SMC5: variants seen among roughly 807,000 people sequenced by gnomAD.
The protein encoded by SMC5 is structural maintenance of chromosomes 5, also known as structural maintenance of chromosomes protein 5.
A neutral mutation model predicts 148.3 loss-of-function variants in SMC5; 88 were observed. That is an observed-to-expected ratio of 0.59 (90% confidence interval 0.50 to 0.71). The LOEUF (loss-of-function observed/expected upper bound fraction) is 0.71. Ranked by LOEUF, SMC5 falls within the 30% of genes least tolerant of loss-of-function variation. The probability of loss-of-function intolerance (pLI) is 0.00; values close to 1 mark genes in which losing one functional copy is unlikely to be tolerated. For missense variants in SMC5, 1,142 were observed against 1,298.9 expected, an observed-to-expected ratio of 0.88 and a Z score of 1.86; for synonymous variants, 421 against 432.8, an observed-to-expected ratio of 0.97 and a Z score of 0.34.
chr9:70,279,904 T>A (rs1214896631), intron 5 of SMC5, among the ~76,000 whole-genome samples: 2 of 152,064 alleles, frequency 1.3e-5, no homozygotes, highest in Non-Finnish European at 1.5e-5. Context: ...GCACATTGTG[T>A]CACAGGGGTT....
intron 12 of SMC5, 140 bp from the exon 13 acceptor site, chr9:70,315,306 T>TAAA (rs1268521910): frequency 1.9e-5 from 4 of 210,980 alleles, no homozygotes; most frequent in African/African-American, 9.7e-5. Context: ...GATTTTAAAA[T>TAAA]ATAAAAGAAA....
rs142489701 is a variant in SMC5 at position 70,282,525 on chromosome 9, G to A, written c.923G>A (p.Cys308Tyr). 5.0e-4 allele frequency: 805 copies of A among 1,596,282 alleles called. 1 individual carries two copies. Among genetic ancestry groups the A allele is most frequent in the Admixed American group, 2.5e-3 (143 of 56,782 alleles). The part of the protein sequence containing the change: ...KLKEGQIPVT[C>Y]RIEEMENERH... ...AAAGAAGGGCAGATTCCTGTAACAT[G>A]TCGAATTGAAGAAATGGAAAACGAG... Residue 308 changes from cysteine to tyrosine, a missense_variant, in exon 7 of 25, where the codon TGT (cysteine) becomes TAT (tyrosine). Transcript: ENST00000361138.
At chr9:70,273,366 CTCT>C (rs2034502462) in intron 3 of SMC5, among the ~76,000 whole-genome samples, 1 of 151,708 alleles carries the variant, frequency 6.6e-6, no homozygotes, top group Admixed American at 6.6e-5. Context: ...GAATACCATC[CTCT>C]TATTTGAGTT....
Position 70,352,277 on chromosome 9 carries a change from T to C in SMC5, c.3252T>C (p.Asn1084=), listed in dbSNP as rs750920169. ...GPHMLEPNTW[N]LKAFQRRRRR... The stretch of plus-strand genomic sequence containing the variant: ...ATATGCTGGAACCAAACACATGGAA[T>C]TTAAAGGCTTTCCAAAGGCGGCGGC... Residue 1084 remains asparagine, a synonymous_variant, in exon 25 of 25, where the codon AAT becomes AAC. Coordinates refer to ENST00000361138, the MANE Select transcript of SMC5 (RefSeq NM_015110.4). 2 of 1,613,768 alleles carry C rather than the reference T, an allele frequency of 1.2e-6. No individual in the cohort carries two copies. The highest frequency in any genetic ancestry group is 3.3e-5 in the Admixed American group (2 of 59,944).
chr9:70,307,107 A>G (rs1456174799), intron 11 of SMC5, among the ~76,000 whole-genome samples: 1 of 152,214 alleles, frequency 6.6e-6, no homozygotes, highest in Non-Finnish European at 1.5e-5. Context: ...AAAAACAAAT[A>G]ATAGGCCAGG....
chr9:70,259,241 C>A lies in SMC5; in HGVS notation c.163C>A (p.Arg55Ser). Residue 55 changes from arginine (R) to serine (S), a missense_variant, in exon 1 of 25, where the codon CGC becomes AGC. Arg to Ser is a moderately radical substitution (Grantham distance 110, BLOSUM62 -1). Transcript: ENST00000361138. Reference protein sequence around the residue: ...SGPFVEGSIVRISMENFLTYD... With the variant: ...SGPFVEGSIVSISMENFLTYD... The stretch of plus-strand genomic sequence containing the variant: ...GCCTTTCGTGGAAGGCTCTATCGTC[C>A]GCATCTCGATGGAGAACTTCCTGTA... 6.3e-7 allele frequency: 1 copy of A among 1,594,606 alleles called. No individual in the cohort carries two copies. The highest frequency in any genetic ancestry group is 1.3e-5 in the African/African-American group (1 of 74,656).
intron 17 of SMC5, among the ~76,000 whole-genome samples, chr9:70,338,842 CTG>C (rs1054749420): frequency 1.3e-5 from 2 of 152,120 alleles, no homozygotes; most frequent in Admixed American, 6.6e-5. Context: ...TTACACCACT[CTG>C]TTTTTCTTAT....
chr9:70,334,320 G>A (rs1421553817), intron 17 of SMC5, among the ~76,000 whole-genome samples: 1 of 152,080 alleles, frequency 6.6e-6, no homozygotes, highest in East Asian at 1.9e-4. Context: ...TGAAGAAAAT[G>A]TAAGAGAAAA....
intron 1 of SMC5, among the ~76,000 whole-genome samples, chr9:70,261,035 G>C (rs990444466): frequency 6.6e-6 from 1 of 152,140 alleles, no homozygotes; most frequent in Non-Finnish European, 1.5e-5. Context: ...CACTGCACCC[G>C]CCTAAGAAGA....
At chr9:70,301,465 C>G (rs1246706398) in intron 10 of SMC5, among the ~76,000 whole-genome samples, 1 of 152,198 alleles carries the variant, frequency 6.6e-6, no homozygotes, top group Non-Finnish European at 1.5e-5. Context: ...ATCTTCCACG[C>G]AGTTTACTCA....
intron 10 of SMC5, among the ~76,000 whole-genome samples, chr9:70,302,623 T>G (rs2035390406): frequency 6.6e-6 from 1 of 151,878 alleles, no homozygotes; most frequent in Non-Finnish European, 1.5e-5. Context: ...TTACCCAAGA[T>G]CACGCCACTG....
intron 11 of SMC5, chr9:70,310,904 T>C (rs1273517246): frequency 2.0e-5 from 3 of 152,288 alleles, no homozygotes; most frequent in Admixed American, 1.3e-4. Flanking sequence ...GCTTCAAGCT[T>C]TTCTTCTCTC....
intron 18 of SMC5, chr9:70,346,366 C>A: frequency 1.8e-6 from 1 of 562,320 alleles, no homozygotes; most frequent in African/African-American, 1.9e-5. Flanking sequence ...AGTATATAGC[C>A]TTTGCAGGTT....
At chr9:70,299,140 C>A (rs1282077177) in intron 9 of SMC5, among the ~76,000 whole-genome samples, 1 of 151,564 alleles carries the variant, frequency 6.6e-6, no homozygotes, top group African/African-American at 2.4e-5. Flanking sequence ...ATTCTAAATT[C>A]TCTCATTTAT....
chr9:70,262,623 G>C (rs1486292020), intron 1 of SMC5, among the ~76,000 whole-genome samples: 1 of 152,212 alleles, frequency 6.6e-6, no homozygotes, highest in Non-Finnish European at 1.5e-5. Context: ...AGTTTAAGAT[G>C]ACTGTTATGG....
intron 8 of SMC5, among the ~76,000 whole-genome samples, chr9:70,292,839 C>T (rs1328269860): frequency 5.3e-5 from 8 of 151,986 alleles, no homozygotes; most frequent in Non-Finnish European, 1.0e-4. Flanking sequence ...ATTTTGCATC[C>T]GTCAAATAAA....
At chr9:70,288,308 A>C (rs1453116049) in intron 8 of SMC5, among the ~76,000 whole-genome samples, 1 of 152,128 alleles carries the variant, frequency 6.6e-6, no homozygotes, top group African/African-American at 2.4e-5. Flanking sequence ...CTGGTAAATA[A>C]TTTAATACTC....
At chr9:70,273,946 A>AT (rs2034517564) in intron 3 of SMC5, among the ~76,000 whole-genome samples, 1 of 152,114 alleles carries the variant, frequency 6.6e-6, no homozygotes, top group African/African-American at 2.4e-5. Flanking sequence ...AATCTTCTAT[A>AT]TTTTTGCTGA....
At chr9:70,305,195 A>G in intron 10 of SMC5, 52 bp from the exon 11 acceptor site, 1 of 749,518 alleles carries the variant, frequency 1.3e-6, no homozygotes. Flanking sequence ...AACATGTTTT[A>G]ATAATCAGTT....
Sources: gnomAD v4.1 joint callset for allele counts (sites outside exome capture counted in the v4.1 genomes callset) on GRCh38, gnomAD v4.1.1 for gene constraint, MANE v1.5 for transcripts, NCBI Gene and HGNC (gene_info 2026-07-23, HGNC 2026-07-21) for gene names.